Variants in PIK3C2G observed in about 807,000 individuals in gnomAD.
PIK3C2G encodes the protein phosphatidylinositol-4-phosphate 3-kinase catalytic subunit type 2 gamma, also known as phosphatidylinositol 3-kinase C2 domain-containing subunit gamma.
Under a neutral mutation model 181.1 loss-of-function variants are expected in PIK3C2G, and 168 were observed. The observed-to-expected ratio is 0.93, with a 90% CI of 0.82 to 1.05. The LOEUF (loss-of-function observed/expected upper bound fraction) is 1.05. PIK3C2G is among the 50% of genes least tolerant of loss of function. PIK3C2G has a pLI of 0.00. For missense variants in PIK3C2G, 1,869 were observed against 1,732.8 expected (o/e 1.08, Z -1.40); for synonymous variants, 573 against 592.2 (o/e 0.97, Z 0.47).
intron 7 of PIK3C2G, among the ~76,000 whole-genome samples, chr12:18,321,781 T>G (rs1387517759): frequency 6.6e-6 from 1 of 152,206 alleles, no homozygotes; most frequent in Non-Finnish European, 1.5e-5. Context: ...TGAGATCATG[T>G]CTCTTGCGGG....
At chr12:18,393,020 A>G (rs1164777339) in intron 15 of PIK3C2G, among the ~76,000 whole-genome samples, 1 of 152,124 alleles carries the variant, frequency 6.6e-6, no homozygotes, top group Non-Finnish European at 1.5e-5. Context: ...GTGTTCAACA[A>G]GTGTGCCACA....
chr12:18,713,596 A>G, the PIK3C2G span: 2 of 152,956 alleles, frequency 1.3e-5, no homozygotes, highest in East Asian at 1.9e-4. Flanking sequence ...CTCTCTAACC[A>G]TTTAACATAA....
chr12:18,474,071 T>C (rs1938726503), intron 18 of PIK3C2G, among the ~76,000 whole-genome samples: 1 of 152,196 alleles, frequency 6.6e-6, no homozygotes, highest in Non-Finnish European at 1.5e-5. Flanking sequence ...TGCCTATTTT[T>C]GTGAATACCA....
rs1947927897 is a variant in PIK3C2G, at chr12:18,461,715, G to C, written c.2505-26734G>C. ...TAAATAGCCCTTTCCACTATGTGAG[G>C]CCACAGCTAAAAGATGCCATCTGTG... On this transcript the variant is annotated intron_variant, in intron 18 of 32. Transcript: ENST00000538779. Among the ~76,000 whole-genome samples the C allele has an allele frequency of 2.0e-5, 3 of 152,122 alleles. No homozygotes were observed. In the South Asian group the frequency reaches 6.2e-4, roughly 31 times the overall value.
intron 15 of PIK3C2G, among the ~76,000 whole-genome samples, chr12:18,395,772 A>T (rs758524987): frequency 6.6e-6 from 1 of 151,450 alleles, no homozygotes; most frequent in Non-Finnish European, 1.5e-5. Context: ...TTTTCATATT[A>T]TATGTAAGGA....
chr12:18,435,661 A>G (rs2135790151), intron 18 of PIK3C2G, among the ~76,000 whole-genome samples: 1 of 152,128 alleles, frequency 6.6e-6, no homozygotes, highest in African/African-American at 2.4e-5. Flanking sequence ...GCCTTTCTAC[A>G]TCCAAATATA....
intron 25 of PIK3C2G, among the ~76,000 whole-genome samples, chr12:18,545,940 A>G (rs1195247486): frequency 6.6e-6 from 1 of 151,930 alleles, no homozygotes; most frequent in Non-Finnish European, 1.5e-5. Flanking sequence ...CTATTTTAAA[A>G]ACGAGAAAAT....
chr12:18,458,944 A>T (rs1479255931), intron 18 of PIK3C2G, among the ~76,000 whole-genome samples: 1 of 151,956 alleles, frequency 6.6e-6, no homozygotes, highest in East Asian at 1.9e-4. Flanking sequence ...ACAAGCATAG[A>T]AGTGAGTATT....
At chr12:18,566,380 A>C (rs569179551) in intron 28 of PIK3C2G, among the ~76,000 whole-genome samples, 6 of 152,318 alleles carry the variant, frequency 3.9e-5, no homozygotes, top group Non-Finnish European at 1.5e-5. Context: ...ATTACCAGTC[A>C]TCCCACCTAA....
chr12:18,262,058 A>C (rs1468039123), intron 1 of PIK3C2G, among the ~76,000 whole-genome samples: 1 of 152,052 alleles, frequency 6.6e-6, no homozygotes, highest in African/African-American at 2.4e-5. Flanking sequence ...GGAATTTCTT[A>C]ACATATGGGA....
chr12:18,516,203 T>C (rs1222623884), intron 24 of PIK3C2G, among the ~76,000 whole-genome samples: 1 of 151,992 alleles, frequency 6.6e-6, no homozygotes, highest in African/African-American at 2.4e-5. Flanking sequence ...AGAAAAGTCT[T>C]TGTCTCTCCA....
At chr12:18,459,086 T>C (rs1426551706) in intron 18 of PIK3C2G, among the ~76,000 whole-genome samples, 3 of 152,114 alleles carry the variant, frequency 2.0e-5, no homozygotes, top group Admixed American at 1.3e-4. Context: ...TAAGTAGCCA[T>C]GGTTTTAAGC....
chr12:18,693,747 A>G, the PIK3C2G span: 1 of 1,525,354 alleles, frequency 6.6e-7, no homozygotes, highest in Non-Finnish European at 9.1e-7. Context: ...TCTAGGGTAG[A>G]TGTGAAAGCT....
chr12:18,666,744 T>G, the PIK3C2G span, among the ~76,000 whole-genome samples: 1 of 152,152 alleles, frequency 6.6e-6, no homozygotes, highest in African/African-American at 2.4e-5. Flanking sequence ...CACTCAACAA[T>G]AGCAGAATAC....
intron 15 of PIK3C2G, among the ~76,000 whole-genome samples, chr12:18,396,327 A>G (rs906284594): frequency 6.6e-6 from 1 of 151,722 alleles, no homozygotes; most frequent in African/African-American, 2.4e-5. Context: ...CATTCATGAT[A>G]AAAACTCACA....
In PIK3C2G at chr12:18,378,314, T is replaced by TCC. The variant is rs780076946; in HGVS notation, c.1881-3444_1881-3443dup. On this transcript the variant is annotated intron_variant, in intron 13 of 32. Coordinates refer to ENST00000538779, the MANE Select transcript of PIK3C2G (RefSeq NM_001288772.2). ...ATGTATCACACTCTTCCTCATGAGT[T>TCC]CCCCCCCCCGTAACTAATGAGAAGA... 3.5e-3 allele frequency among the ~76,000 whole-genome samples: 501 copies of TCC among 144,090 alleles called. 1 individual carries two copies. Among genetic ancestry groups the TCC allele is most frequent in the African/African-American group, 0.012 (465 of 38,240 alleles). The allele number at this position is 144,090 out of a possible 152,430, so 94.5% of individuals were successfully genotyped here. A position where few individuals can be genotyped will look rare whatever the true frequency, so the allele number is the denominator to read the frequency against.
At chr12:18,654,181 A>G in the PIK3C2G span, among the ~76,000 whole-genome samples, 1 of 152,046 alleles carries the variant, frequency 6.6e-6, no homozygotes, top group Non-Finnish European at 1.5e-5. Flanking sequence ...GCTGGAAGAG[A>G]TAACTATAAA....
At chr12:18,256,146 T>C (rs1298488124) in intron 1 of PIK3C2G, among the ~76,000 whole-genome samples, 6 of 152,152 alleles carry the variant, frequency 3.9e-5, no homozygotes, top group Admixed American at 3.9e-4. Flanking sequence ...AACTAGAAAA[T>C]ATTCTCTCTT....
At chr12:18,581,040 T>A (rs1946473250) in intron 29 of PIK3C2G, among the ~76,000 whole-genome samples, 1 of 152,214 alleles carries the variant, frequency 6.6e-6, no homozygotes, top group African/African-American at 2.4e-5. Flanking sequence ...CTGTAGTCTT[T>A]GATAACAAGA....
Sources: gnomAD v4.1 joint callset for allele counts (sites outside exome capture counted in the v4.1 genomes callset) on GRCh38, gnomAD v4.1.1 for gene constraint, MANE v1.5 for transcripts, NCBI Gene and HGNC (gene_info 2026-07-23, HGNC 2026-07-21) for gene names.